NFXL1: variants seen among roughly 807,000 people sequenced by gnomAD.
NFXL1 encodes NF-X1-type zinc finger protein NFXL1.
A neutral mutation model predicts 123.3 loss-of-function variants in NFXL1; 66 were observed. That is an observed-to-expected ratio of 0.54 (90% confidence interval 0.44 to 0.66). The LOEUF is 0.66. Among genes scored for constraint, NFXL1 ranks in the 30% least tolerant of loss-of-function variants. The pLI is 0.00. For missense variants in NFXL1, 944 were observed against 1,125.6 expected (o/e 0.84, Z 2.31); for synonymous variants, 346 against 360.8 (o/e 0.96, Z 0.46).
At chr4:47,865,844 G>A (rs760183281) in intron 18 of NFXL1, among the ~76,000 whole-genome samples, 1 of 151,790 alleles carries the variant, frequency 6.6e-6, no homozygotes, top group African/African-American at 2.4e-5. Context: ...GCAAAACCCC[G>A]TCTCTACAAA....
At chr4:47,886,217 G>A (rs766223372) in intron 12 of NFXL1, among the ~76,000 whole-genome samples, 4 of 152,100 alleles carry the variant, frequency 2.6e-5, no homozygotes, top group Admixed American at 6.5e-5. Flanking sequence ...AAGAAAAAAT[G>A]TACTGTTCAA....
At chr4:47,874,113 C>T (rs1159586455) in intron 18 of NFXL1, among the ~76,000 whole-genome samples, 1 of 152,188 alleles carries the variant, frequency 6.6e-6, no homozygotes, top group Non-Finnish European at 1.5e-5. Flanking sequence ...CTGCTTTGAT[C>T]TTCTATCCAA....
intron 11 of NFXL1, among the ~76,000 whole-genome samples, chr4:47,892,813 T>C (rs1736856072): frequency 6.6e-6 from 1 of 152,128 alleles, no homozygotes; most frequent in Admixed American, 6.5e-5. Flanking sequence ...AAAGTTCATG[T>C]CTAGTAACAA....
At chr4:47,913,226 T>C (rs1737930046) in intron 2 of NFXL1, among the ~76,000 whole-genome samples, 1 of 152,042 alleles carries the variant, frequency 6.6e-6, no homozygotes, top group East Asian at 1.9e-4. Flanking sequence ...ATAAAATGAT[T>C]TCAGGGATTA....
chr4:47,882,215 A>C (rs1736154736), intron 15 of NFXL1: 1 of 152,244 alleles, frequency 6.6e-6, no homozygotes, highest in African/African-American at 2.4e-5. Context: ...CTATTTAAGA[A>C]AATAAACACA....
At chr4:47,891,524 G>A (rs1560598009) in intron 11 of NFXL1, among the ~76,000 whole-genome samples, 2 of 152,034 alleles carry the variant, frequency 1.3e-5, no homozygotes, top group African/African-American at 4.8e-5. Context: ...AGACACTTCC[G>A]TGTCTGTGAG....
intron 15 of NFXL1, among the ~76,000 whole-genome samples, chr4:47,880,846 GAAATTAAACACTGCATGTT>G (rs1736066287): frequency 1.4e-5 from 2 of 138,354 alleles, no homozygotes; most frequent in Middle Eastern, 4.3e-3. Flanking sequence ...AAAGGAACAG[GAAATTAAACACTGCATGTT>G]AAATTAAACA....
At position 47,914,565 on chromosome 4, in the gene NFXL1, G is replaced by A. The variant is rs964655390; in HGVS notation, c.-203C>T. On this transcript the variant is annotated 5_prime_UTR_variant, in exon 1 of 23. Coordinates refer to ENST00000507489, the MANE Select transcript of NFXL1 (RefSeq NM_001278624.2). ...ACAGACTGACCCTGCGTCTCCCGCC[G>A]GGAACCAACTGCAGTGGTACACCCC... 4.5e-6 allele frequency: 1 copy of A among 221,362 alleles called. No homozygotes were observed. Among genetic ancestry groups the A allele is most frequent in the Non-Finnish European group, 8.9e-6 (1 of 112,748 alleles). The allele number at this position is 221,362 out of a possible 1,614,324, so 13.7% of individuals were successfully genotyped here. A position where few individuals can be genotyped will look rare whatever the true frequency, so the allele number is the denominator to read the frequency against.
intron 22 of NFXL1, among the ~76,000 whole-genome samples, chr4:47,848,805 C>T (rs1733956544): frequency 1.3e-5 from 2 of 152,086 alleles, no homozygotes; most frequent in Non-Finnish European, 2.9e-5. Context: ...AGGAGAATGG[C>T]GTGAACCAGG....
chr4:47,884,857 T>C (rs1736328668), intron 14 of NFXL1, among the ~76,000 whole-genome samples: 1 of 152,170 alleles, frequency 6.6e-6, no homozygotes, highest in African/African-American at 2.4e-5. Context: ...CTGGACGTGG[T>C]GCCTCACACC....
chr4:47,850,874 CA>C (rs199694772), intron 22 of NFXL1, among the ~76,000 whole-genome samples: 3 of 147,844 alleles, frequency 2.0e-5, no homozygotes, highest in Non-Finnish European at 3.0e-5. Flanking sequence ...ATTGGAAATA[CA>C]AAAAAAAAAT....
At chr4:47,898,898 A>G in intron 7 of NFXL1, 41 bp from the exon 8 acceptor site, 1 of 1,610,370 alleles carries the variant, frequency 6.2e-7, no homozygotes. Flanking sequence ...ACATAAAAGC[A>G]ATAAAGATTG....
chr4:47,899,572 A>G (rs1737274951), intron 5 of NFXL1, 24 bp from the exon 6 acceptor site: 3 of 1,496,690 alleles, frequency 2.0e-6, no homozygotes, highest in African/African-American at 1.4e-5. Flanking sequence ...GAAAATTATT[A>G]AAGCTAACTT....
intron 19 of NFXL1, among the ~76,000 whole-genome samples, chr4:47,855,582 T>C (rs1275498392): frequency 6.6e-6 from 1 of 151,894 alleles, no homozygotes; most frequent in Non-Finnish European, 1.5e-5. Flanking sequence ...GGAAACCATA[T>C]GCCAAAGAGA....
intron 3 of NFXL1, among the ~76,000 whole-genome samples, chr4:47,906,737 C>T (rs1311922387): frequency 6.6e-6 from 1 of 152,098 alleles, no homozygotes; most frequent in Non-Finnish European, 1.5e-5. Flanking sequence ...CAGGCTTTTA[C>T]AAAATAAAAA....
At chr4:47,895,473 G>T (rs578043387) in intron 10 of NFXL1, among the ~76,000 whole-genome samples, 1 of 152,146 alleles carries the variant, frequency 6.6e-6, no homozygotes, top group Admixed American at 6.5e-5. Flanking sequence ...TGGATAACCC[G>T]ACAGCTTCTA....
chr4:47,867,157 T>C (rs1358242201), intron 18 of NFXL1, among the ~76,000 whole-genome samples: 1 of 152,096 alleles, frequency 6.6e-6, no homozygotes. Flanking sequence ...TATAGGGCTC[T>C]TCAATACACT....
chr4:47,850,226 G>C (rs761302791), intron 22 of NFXL1, among the ~76,000 whole-genome samples: 4 of 152,038 alleles, frequency 2.6e-5, no homozygotes, highest in Non-Finnish European at 4.4e-5. Flanking sequence ...TTATTTTGGG[G>C]ATATCAGGCA....
Position 47,877,054 on chromosome 4 carries a change from A to G in NFXL1, c.2079+1471T>C. ...TTTGCTCTTCCTATGTGGTACACCT[A>G]CAAAAATCTTCTATTTAAATAACAT... On this transcript the variant is annotated intron_variant, in intron 17 of 22. Coordinates refer to ENST00000507489, the MANE Select transcript of NFXL1 (RefSeq NM_001278624.2). 11 of 1,241,486 alleles carry G rather than the reference A, an allele frequency of 8.9e-6. No homozygotes were observed. The South Asian group carries it at 1.4e-4, about 16-fold the overall frequency. 76.9% of individuals were successfully genotyped at this position (1,241,486 alleles called of 1,614,324 possible).
Sources: gnomAD v4.1 joint callset for allele counts (sites outside exome capture counted in the v4.1 genomes callset) on GRCh38, gnomAD v4.1.1 for gene constraint, MANE v1.5 for transcripts, NCBI Gene and HGNC (gene_info 2026-07-23, HGNC 2026-07-21) for gene names.